The following GSE1 variants were observed in gnomAD, a reference collection of about 807,000 sequenced individuals.
GSE1 encodes Gse1 coiled-coil protein, also known as genetic suppressor element 1.
Under a neutral mutation model 112.6 loss-of-function variants are expected in GSE1, and 32 were observed. That is an observed-to-expected ratio of 0.28 (90% CI 0.21 to 0.38). GSE1 has a LOEUF of 0.38. Ranked by LOEUF, GSE1 falls within the 10% of genes least tolerant of loss-of-function variation. The probability of loss-of-function intolerance (pLI) is 1.00; values close to 1 mark genes in which losing one functional copy is unlikely to be tolerated. For missense variants in GSE1, 2,348 were observed against 1,699.2 expected (o/e 1.38, Z -6.71); for synonymous variants, 1,115 against 735.6 (o/e 1.52, Z -8.35).
At chr16:85,479,627 T>C (rs1162759354) in intron 2 of GSE1, among the ~76,000 whole-genome samples, 1 of 152,140 alleles carries the variant, frequency 6.6e-6, no homozygotes, top group Non-Finnish European at 1.5e-5. Flanking sequence ...GTGTGGGCGT[T>C]ATGTTTTCAA....
intron 1 of GSE1, among the ~76,000 whole-genome samples, chr16:85,287,712 C>A (rs986515973): frequency 1.3e-5 from 2 of 152,076 alleles, no homozygotes; most frequent in Non-Finnish European, 2.9e-5. Context: ...CCTGACCACA[C>A]CCCCCGATGC....
At chr16:85,608,327 C>A (rs973998274), upstream of GSE1, among the ~76,000 whole-genome samples, 1 of 152,078 alleles carries the variant, frequency 6.6e-6, no homozygotes, top group African/African-American at 2.4e-5. Flanking sequence ...GTGGACTTAG[C>A]CCCCCGCCCC....
intron 2 of GSE1, among the ~76,000 whole-genome samples, chr16:85,477,887 A>T (rs1303283337): frequency 6.6e-6 from 1 of 152,058 alleles, no homozygotes; most frequent in African/African-American, 2.4e-5. Flanking sequence ...AAACAGCTTT[A>T]TTGAGATGAA....
chr16:85,615,034 C>G (rs567471069), intron 1 of GSE1, among the ~76,000 whole-genome samples: 11 of 152,358 alleles, frequency 7.2e-5, no homozygotes, highest in East Asian at 1.9e-4. Context: ...ATTCCGTGCT[C>G]CCGCCTCCCG....
At chr16:85,264,035 A>G (rs1907982204) in intron 1 of GSE1, among the ~76,000 whole-genome samples, 2 of 152,056 alleles carry the variant, frequency 1.3e-5, no homozygotes, top group African/African-American at 4.8e-5. Flanking sequence ...TCCCCCAGTG[A>G]GGGCTCCACA....
At chr16:85,312,275 G>T (rs1319341977) in intron 1 of GSE1, among the ~76,000 whole-genome samples, 2 of 148,210 alleles carry the variant, frequency 1.3e-5, no homozygotes, top group Admixed American at 1.4e-4. Flanking sequence ...ATGTGACAGT[G>T]TGCCACAAAT....
At chr16:85,295,094 G>C (rs2151448264) in intron 1 of GSE1, among the ~76,000 whole-genome samples, 1 of 152,008 alleles carries the variant, frequency 6.6e-6, no homozygotes, top group South Asian at 2.1e-4. Flanking sequence ...TCACCTCGAG[G>C]GTTCGGGTTT....
chr16:85,321,258 C>T (rs964670803), intron 1 of GSE1, among the ~76,000 whole-genome samples: 1 of 152,084 alleles, frequency 6.6e-6, no homozygotes, highest in Non-Finnish European at 1.5e-5. Flanking sequence ...TGTGGAATCC[C>T]AAGGGGTCCT....
intron 2 of GSE1, among the ~76,000 whole-genome samples, chr16:85,402,398 C>T (rs555363105): frequency 2.6e-5 from 4 of 152,224 alleles, no homozygotes; most frequent in East Asian, 3.9e-4. Context: ...CAGAAGGGAG[C>T]GCACAGCCTC....
intron 2 of GSE1, among the ~76,000 whole-genome samples, chr16:85,489,365 C>G (rs988165217): frequency 6.6e-6 from 1 of 151,972 alleles, no homozygotes; most frequent in Non-Finnish European, 1.5e-5. Context: ...TGTCAGTGGG[C>G]ACTGGGGGCT....
Position 85,657,366 on chromosome 16 carries a change from C to G in GSE1, c.1402C>G (p.Leu468Val). 6.2e-7 allele frequency: 1 copy of G among 1,612,458 alleles called. No homozygotes were observed. The highest frequency in any genetic ancestry group is 1.7e-4 in the Middle Eastern group (1 of 6,058). The change falls in exon 8 of 16, where the codon CTC becomes GTC. Residue 468 changes from leucine (L) to valine (V), a missense_variant. Physicochemically the swap from Leu to Val is conservative, Grantham distance 32. Transcript: ENST00000253458. ...VPTPHHTVPS[L>V]ISNHGIFSLP... Reference sequence around the variant, plus strand: ...CACCCCACACCACACGGTGCCCAGCCTCATCTCCAACCATGGCATCTTCTC... The same window carrying G: ...CACCCCACACCACACGGTGCCCAGCGTCATCTCCAACCATGGCATCTTCTC...
At chr16:85,286,430 G>A (rs1042944864) in intron 1 of GSE1, among the ~76,000 whole-genome samples, 75 of 152,336 alleles carry the variant, frequency 4.9e-4, no homozygotes, top group Non-Finnish European at 2.5e-4. Context: ...GCCGCAGTCC[G>A]TGTTACTGAA....
chr16:85,340,632 C>A (rs998239495), intron 1 of GSE1, among the ~76,000 whole-genome samples: 2 of 152,210 alleles, frequency 1.3e-5, no homozygotes, highest in Non-Finnish European at 2.9e-5. Context: ...CAGAGCAAGA[C>A]CCTGTCCCAA....
At chr16:85,638,136 G>C (rs541884745) in intron 2 of GSE1, among the ~76,000 whole-genome samples, 1 of 152,206 alleles carries the variant, frequency 6.6e-6, no homozygotes, top group African/African-American at 2.4e-5. Context: ...AGTGCCTCTC[G>C]GTTTTCGCCA....
At chr16:85,439,515 C>T (rs1224305764) in intron 2 of GSE1, among the ~76,000 whole-genome samples, 3 of 149,994 alleles carry the variant, frequency 2.0e-5, no homozygotes, top group African/African-American at 7.3e-5. Context: ...CACTCACAGG[C>T]GGGGAAACAC....
intron 2 of GSE1, among the ~76,000 whole-genome samples, chr16:85,410,140 T>TG (rs2048468805): frequency 3.5e-5 from 2 of 57,954 alleles, no homozygotes; most frequent in Non-Finnish European, 5.7e-5. Flanking sequence ...AGGGTCCCTC[T>TG]GATAATCCTC....
At chr16:85,169,695 G>T in exon 1 of GSE1, 1 of 982,696 alleles carries the variant, frequency 1.0e-6, no homozygotes, top group Non-Finnish European at 1.2e-6. Context: ...CGGGGACCCC[G>T]GCGCAGCCCT....
chr16:85,355,047 G>A (rs558582532), intron 1 of GSE1, among the ~76,000 whole-genome samples: 32 of 152,314 alleles, frequency 2.1e-4, no homozygotes, highest in Admixed American at 1.9e-3. Flanking sequence ...GGATTTGTGG[G>A]GGCTGTGGTC....
chr16:85,333,247 C>T (rs898535240), intron 1 of GSE1, among the ~76,000 whole-genome samples: 17 of 152,146 alleles, frequency 1.1e-4, no homozygotes, highest in Non-Finnish European at 2.9e-5. Flanking sequence ...GGAAGCCTCA[C>T]CCTGGCTCTG....
Sources: gnomAD v4.1 joint callset for allele counts (sites outside exome capture counted in the v4.1 genomes callset) on GRCh38, gnomAD v4.1.1 for gene constraint, MANE v1.5 for transcripts, NCBI Gene and HGNC (gene_info 2026-07-23, HGNC 2026-07-21) for gene names.